The following KCNK10 variants were observed in gnomAD, a reference collection of about 807,000 sequenced individuals.
The protein encoded by KCNK10 is potassium channel subfamily K member 10.
In KCNK10, 25 loss-of-function variants were observed where a neutral mutation model predicts 47.7. The observed-to-expected ratio is 0.52, with a 90% CI of 0.38 to 0.73. KCNK10 has a LOEUF of 0.73. Ranked by LOEUF, KCNK10 falls within the 30% of genes least tolerant of loss-of-function variation. The pLI is 0.00. For synonymous variants in KCNK10, 303 were observed against 285.6 expected (o/e 1.06, Z -0.61); for missense variants, 563 against 714.5 (o/e 0.79, Z 2.42).
chr14:88,290,815 G>A (rs1887859342), intron 1 of KCNK10, among the ~76,000 whole-genome samples: 1 of 152,202 alleles, frequency 6.6e-6, no homozygotes, highest in Non-Finnish European at 1.5e-5. Flanking sequence ...TATTTCTGCA[G>A]GTCATGCAGT....
intron 3 of KCNK10, among the ~76,000 whole-genome samples, chr14:88,238,783 A>G (rs1340141293): frequency 4.6e-5 from 7 of 152,172 alleles, no homozygotes; most frequent in Non-Finnish European, 1.0e-4. Flanking sequence ...TTCCTCACCA[A>G]TCTTAATTAT....
In KCNK10 at chr14:88,239,206, T is replaced by TA. The variant is rs35034913; in HGVS notation, c.520+1496dup. Among the ~76,000 whole-genome samples, 133 of 147,252 alleles carry TA rather than the reference T, an allele frequency of 9.0e-4. 1 individual carries two copies. The highest frequency in any genetic ancestry group is 2.8e-3 in the East Asian group (14 of 5,066). ...GATTGCCATACACCTTAAATTTGTT[T>TA]AAAAAAAAAAAACTCAACATCTTCA... On this transcript the variant is annotated intron_variant, in intron 3 of 6. Coordinates refer to ENST00000319231, the MANE Select transcript of KCNK10 (RefSeq NM_138317.3).
In KCNK10 at chr14:88,263,381, T is replaced by G; in HGVS notation, c.223A>C (p.Lys75Gln). 6.2e-7 allele frequency: 1 copy of G among 1,614,066 alleles called. No homozygotes were observed. The highest frequency in any genetic ancestry group is 1.3e-5 in the African/African-American group (1 of 75,066). ...QGGLQTVMKW[K>Q]TVVAIFVVVV... ...ACCACAAAGATGGCAACCACCGTCT[T>G]CCACTTCATGACGGTCTGCAAGCCC... The change falls in exon 2 of 7, where the codon AAG becomes CAG. Residue 75 changes from lysine (K) to glutamine (Q), a missense_variant. Lys to Gln is a moderately conservative substitution (Grantham distance 53). Coordinates refer to ENST00000319231, the MANE Select transcript of KCNK10 (RefSeq NM_138317.3).
chr14:88,195,202 A>G (rs1435367215), intron 4 of KCNK10, among the ~76,000 whole-genome samples: 5 of 152,150 alleles, frequency 3.3e-5, no homozygotes, highest in Non-Finnish European at 7.3e-5. Context: ...AGTCTAGGGA[A>G]AGACTGCCTG....
At chr14:88,258,497 G>C (rs967866681) in intron 2 of KCNK10, among the ~76,000 whole-genome samples, 2 of 152,108 alleles carry the variant, frequency 1.3e-5, no homozygotes, top group African/African-American at 4.8e-5. Flanking sequence ...CACCATGTTG[G>C]TCAGGCTGGT....
rs553158171 is a variant in KCNK10, at chr14:88,209,450, C to T, written c.682-17040G>A. Reference sequence around the variant, plus strand: ...CGAAGAAGACAACCTGCCTCCTTCACGCAGACCGAATGGCAACGGCATCCC... The same window carrying T: ...CGAAGAAGACAACCTGCCTCCTTCATGCAGACCGAATGGCAACGGCATCCC... On this transcript the variant is annotated intron_variant, in intron 4 of 6. Transcript: ENST00000319231. Among the ~76,000 whole-genome samples the T allele has an allele frequency of 1.7e-4, 26 of 152,368 alleles. No individual in the cohort carries two copies. The South Asian group carries it at 5.0e-3, about 29-fold the overall frequency.
intron 1 of KCNK10, among the ~76,000 whole-genome samples, chr14:88,295,930 T>C (rs1887976740): frequency 6.6e-6 from 1 of 152,110 alleles, no homozygotes; most frequent in Non-Finnish European, 1.5e-5. Context: ...GGGGTCTAAT[T>C]AAACTAACAA....
At chr14:88,216,303 T>C (rs1246418509) in intron 4 of KCNK10, among the ~76,000 whole-genome samples, 2 of 152,172 alleles carry the variant, frequency 1.3e-5, no homozygotes, top group African/African-American at 4.8e-5. Context: ...GACCAGGGCA[T>C]GCACCTGGTA....
At chr14:88,227,680 T>C (rs1350771182) in intron 3 of KCNK10, 145 bp from the exon 4 acceptor site, 3 of 631,204 alleles carry the variant, frequency 4.8e-6, no homozygotes, top group African/African-American at 1.9e-5. Flanking sequence ...CCCTCTACAA[T>C]TCGCAACATT....
chr14:88,187,630 C>CCG (rs1050221276), intron 6 of KCNK10, among the ~76,000 whole-genome samples: 7 of 142,966 alleles, frequency 4.9e-5, no homozygotes, highest in African/African-American at 1.8e-4. Flanking sequence ...GCTGCACCCC[C>CCG]CCACACACAC....
intron 2 of KCNK10, among the ~76,000 whole-genome samples, chr14:88,242,857 C>T (rs556086226): frequency 2.6e-5 from 4 of 152,068 alleles, no homozygotes; most frequent in Non-Finnish European, 5.9e-5. Flanking sequence ...GAAATAATAC[C>T]GCAGGGAGGG....
At chr14:88,226,331 T>C (rs1211660141) in intron 4 of KCNK10, among the ~76,000 whole-genome samples, 4 of 152,196 alleles carry the variant, frequency 2.6e-5, no homozygotes, top group Non-Finnish European at 4.4e-5. Flanking sequence ...CTTGCATTCT[T>C]CTAAAGAGAA....
chr14:88,205,547 T>C (rs796621443), intron 4 of KCNK10, among the ~76,000 whole-genome samples: 21 of 141,758 alleles, frequency 1.5e-4, no homozygotes, highest in East Asian at 2.1e-4. Context: ...CTTTTCTTTT[T>C]TTTTTTTTTT....
chr14:88,205,965 C>T (rs999379916), intron 4 of KCNK10, among the ~76,000 whole-genome samples: 5 of 151,946 alleles, frequency 3.3e-5, no homozygotes, highest in African/African-American at 1.2e-4. Flanking sequence ...GATAAACTGA[C>T]AGGATTTTAT....
At chr14:88,299,856 T>C (rs1888059311) in intron 1 of KCNK10, among the ~76,000 whole-genome samples, 1 of 152,170 alleles carries the variant, frequency 6.6e-6, no homozygotes, top group South Asian at 2.1e-4. Flanking sequence ...AAGTATATAG[T>C]GACACAGCTG....
chr14:88,300,024 C>T (rs1888062280), intron 1 of KCNK10, among the ~76,000 whole-genome samples: 1 of 152,150 alleles, frequency 6.6e-6, no homozygotes, highest in African/African-American at 2.4e-5. Flanking sequence ...CATGTAACAT[C>T]AGTACTCAGA....
At chr14:88,247,587 A>G (rs1421160551) in intron 2 of KCNK10, among the ~76,000 whole-genome samples, 1 of 152,226 alleles carries the variant, frequency 6.6e-6, no homozygotes, top group Non-Finnish European at 1.5e-5. Flanking sequence ...GCCTAGTTAT[A>G]AATCTAAAGT....
intron 2 of KCNK10, among the ~76,000 whole-genome samples, chr14:88,254,062 G>C (rs1357855716): frequency 6.6e-6 from 1 of 152,180 alleles, no homozygotes. Flanking sequence ...GCTCCAGGCA[G>C]TTCCAGACCT....
At chr14:88,256,477 G>A (rs1246394223) in intron 2 of KCNK10, among the ~76,000 whole-genome samples, 1 of 152,032 alleles carries the variant, frequency 6.6e-6, no homozygotes, top group Non-Finnish European at 1.5e-5. Context: ...GAGACTGACA[G>A]TCTCCAGTAA....
Sources: allele counts gnomAD v4.1 joint callset (sites outside exome capture counted in the v4.1 genomes callset), GRCh38; gene constraint gnomAD v4.1.1; transcripts MANE v1.5; gene names NCBI Gene and HGNC (gene_info 2026-07-23, HGNC 2026-07-21).